Variants in AGBL4 observed in about 807,000 individuals in gnomAD.
AGBL4 encodes the protein cytosolic carboxypeptidase 6.
Under a neutral mutation model 66.4 loss-of-function variants are expected in AGBL4, and 58 were observed. That is an observed-to-expected ratio of 0.87 (90% CI 0.71 to 1.09). The LOEUF (loss-of-function observed/expected upper bound fraction) is 1.09. Ranked by LOEUF, AGBL4 falls within the 50% of genes least tolerant of loss-of-function variation. The pLI, the probability that AGBL4 is intolerant of heterozygous loss-of-function variation, is 0.00. For synonymous variants in AGBL4, 234 were observed against 222.9 expected, an observed-to-expected ratio of 1.05 and a Z score of -0.44; for missense variants, 579 against 631.0, an observed-to-expected ratio of 0.92 and a Z score of 0.88.
intron 3 of AGBL4, among the ~76,000 whole-genome samples, chr1:49,517,244 G>C (rs1649901851): frequency 6.6e-6 from 1 of 151,044 alleles, no homozygotes; most frequent in South Asian, 2.1e-4. Context: ...AAGACCCAAA[G>C]TCCATTCTTA....
At chr1:49,002,761 A>G (rs1331755700) in intron 5 of AGBL4, among the ~76,000 whole-genome samples, 1 of 152,228 alleles carries the variant, frequency 6.6e-6, no homozygotes, top group Non-Finnish European at 1.5e-5. Context: ...CTTATTTGAA[A>G]CTATTCTGCC....
At chr1:49,659,129 C>G (rs934813401) in intron 3 of AGBL4, among the ~76,000 whole-genome samples, 6 of 151,928 alleles carry the variant, frequency 3.9e-5, no homozygotes, top group African/African-American at 1.2e-4. Flanking sequence ...AATTTGTCAC[C>G]ACTAGGCCTG....
chr1:49,877,538 A>T (rs1453595766), intron 1 of AGBL4, among the ~76,000 whole-genome samples: 1 of 151,388 alleles, frequency 6.6e-6, no homozygotes, highest in Non-Finnish European at 1.5e-5. Flanking sequence ...AAGCTTTTTG[A>T]TGGGCTGCTG....
chr1:48,627,248 G>A (rs758232230), intron 9 of AGBL4, among the ~76,000 whole-genome samples: 2 of 152,206 alleles, frequency 1.3e-5, no homozygotes, highest in African/African-American at 2.4e-5. Context: ...GTGAAACTGC[G>A]CTGTGTGTTT....
chr1:48,835,010 C>A (rs1452358021), intron 6 of AGBL4, among the ~76,000 whole-genome samples: 1 of 152,096 alleles, frequency 6.6e-6, no homozygotes, highest in Non-Finnish European at 1.5e-5. Flanking sequence ...CAAACAAATG[C>A]CTTATCCTAA....
intron 3 of AGBL4, among the ~76,000 whole-genome samples, chr1:49,505,567 T>C (rs998519233): frequency 6.6e-6 from 1 of 152,062 alleles, no homozygotes; most frequent in African/African-American, 2.4e-5. Flanking sequence ...TTTTCTGGTA[T>C]GTAGAGTTTC....
intron 3 of AGBL4, among the ~76,000 whole-genome samples, chr1:49,639,295 AG>A: frequency 6.6e-6 from 1 of 152,340 alleles, no homozygotes; most frequent in East Asian, 1.9e-4. Flanking sequence ...TTGGAAAGGT[AG>A]GACAGTAATT....
chr1:49,794,503 C>T (rs988579976), intron 2 of AGBL4, among the ~76,000 whole-genome samples: 4 of 151,786 alleles, frequency 2.6e-5, no homozygotes, highest in African/African-American at 2.4e-5. Flanking sequence ...TTAAAGAGAA[C>T]CTAGGATTCC....
rs542876514 is a variant in AGBL4 at position 48,836,992 on chromosome 1, ACAT to A, written c.634+30196_634+30198del. 1.1e-3 allele frequency among the ~76,000 whole-genome samples: 165 copies of A among 148,172 alleles called. No homozygotes were observed. The East Asian group carries it at 0.013, about 11-fold the overall frequency. On this transcript the variant is annotated intron_variant, in intron 6 of 13. Transcript: ENST00000371839. ...ATACAATATTATATGTAAATAAATA[ACAT>A]CATATATTATATATAGTAATATTAT...
At chr1:49,960,608 A>G (rs1367377390) in intron 1 of AGBL4, among the ~76,000 whole-genome samples, 1 of 152,092 alleles carries the variant, frequency 6.6e-6, no homozygotes, top group Non-Finnish European at 1.5e-5. Context: ...GAGATTATGG[A>G]TATGCTAATT....
At chr1:49,867,861 C>T (rs1441357441) in intron 1 of AGBL4, among the ~76,000 whole-genome samples, 1 of 152,130 alleles carries the variant, frequency 6.6e-6, no homozygotes, top group Middle Eastern at 3.2e-3. Context: ...GGATCAAATT[C>T]ACACATAGCA....
intron 1 of AGBL4, among the ~76,000 whole-genome samples, chr1:49,919,744 AG>A (rs1214775403): frequency 2.6e-5 from 4 of 152,234 alleles, no homozygotes; most frequent in Non-Finnish European, 5.9e-5. Context: ...ACTACTTTAA[AG>A]TTCATATGGA....
At position 49,844,859 on chromosome 1, in the gene AGBL4, G is replaced by C. The variant is rs145794290; in HGVS notation, c.157+6537C>G. On this transcript the variant is annotated intron_variant, in intron 2 of 13. Transcript: ENST00000371839. The stretch of plus-strand genomic sequence containing the variant: ...GAATGGAGTTGTGAGAGCCTAGAGA[G>C]CCTGGCAGTGCTGGCAGCCTTGATG... 9,522 of 1,494,580 alleles carry C rather than the reference G, an allele frequency of 6.4e-3. 62 individuals are homozygous for C. The highest frequency in any genetic ancestry group is 0.022 in the Middle Eastern group (128 of 5,760). 92.6% of individuals were successfully genotyped at this position (1,494,580 alleles called of 1,614,324 possible).
At chr1:48,561,271 C>CT (rs1375602318) in intron 11 of AGBL4, among the ~76,000 whole-genome samples, 1 of 151,924 alleles carries the variant, frequency 6.6e-6, no homozygotes, top group African/African-American at 2.4e-5. Flanking sequence ...CCCTCCTTCC[C>CT]TTCCCTTCTC....
intron 4 of AGBL4, among the ~76,000 whole-genome samples, chr1:49,073,277 T>G (rs1644646954): frequency 6.6e-6 from 1 of 152,178 alleles, no homozygotes; most frequent in South Asian, 2.1e-4. Context: ...TTCGTACAGT[T>G]TTGTTCCCTG....
chr1:49,872,215 T>G (rs976612144), intron 1 of AGBL4, among the ~76,000 whole-genome samples: 3 of 152,042 alleles, frequency 2.0e-5, no homozygotes, highest in Non-Finnish European at 4.4e-5. Flanking sequence ...TGAGCAAAAT[T>G]TAAAAGATGA....
intron 2 of AGBL4, among the ~76,000 whole-genome samples, chr1:49,847,791 C>T (rs1571706509): frequency 2.6e-5 from 4 of 151,860 alleles, no homozygotes; most frequent in African/African-American, 4.8e-5. Flanking sequence ...AGGCTCCACC[C>T]GCCAGGTTCA....
chr1:48,653,767 T>C (rs1343966952), intron 7 of AGBL4, among the ~76,000 whole-genome samples: 1 of 152,152 alleles, frequency 6.6e-6, no homozygotes, highest in African/African-American at 2.4e-5. Flanking sequence ...AGAGCCCACC[T>C]AGTTTCATCA....
At chr1:48,571,776 G>C (rs993837219) in intron 11 of AGBL4, among the ~76,000 whole-genome samples, 1 of 152,150 alleles carries the variant, frequency 6.6e-6, no homozygotes, top group Non-Finnish European at 1.5e-5. Context: ...GTGGGCCTCG[G>C]GAGATTACTT....
Sources: gnomAD v4.1 joint callset for allele counts (sites outside exome capture counted in the v4.1 genomes callset) on GRCh38, gnomAD v4.1.1 for gene constraint, MANE v1.5 for transcripts, NCBI Gene and HGNC (gene_info 2026-07-23, HGNC 2026-07-21) for gene names.